NSRP1: variants seen among roughly 807,000 people sequenced by gnomAD.
NSRP1 encodes the protein nuclear speckle splicing regulatory protein 1.
In NSRP1, 24 loss-of-function variants were observed where a neutral mutation model predicts 54.7. The ratio of observed to expected loss-of-function variants is 0.44; its 90% CI spans 0.32 to 0.62. NSRP1 has a LOEUF of 0.62. NSRP1 is among the 20% of genes least tolerant of loss of function. The probability of loss-of-function intolerance (pLI) is 0.06; values close to 1 mark genes in which losing one functional copy is unlikely to be tolerated. For missense variants in NSRP1, 596 were observed against 651.2 expected (o/e 0.92, Z 0.92); for synonymous variants, 210 against 213.8 (o/e 0.98, Z 0.15).
chr17:30,149,834 CAA>C (rs773066888), intron 2 of NSRP1, among the ~76,000 whole-genome samples: 34 of 98,666 alleles, frequency 3.4e-4, no homozygotes, highest in Non-Finnish European at 2.5e-4. Flanking sequence ...GACCCTGTCT[CAA>C]AAAAAAAAAA....
At chr17:30,150,848 C>T (rs536741736) in intron 2 of NSRP1, among the ~76,000 whole-genome samples, 18 of 151,698 alleles carry the variant, frequency 1.2e-4, no homozygotes, top group East Asian at 1.9e-4. Flanking sequence ...CCACCATGCC[C>T]GGCTAATTTT....
chr17:30,171,934 T>TCTCA (rs1401311149), intron 2 of NSRP1, among the ~76,000 whole-genome samples: 4 of 113,346 alleles, frequency 3.5e-5, no homozygotes, highest in Non-Finnish European at 7.0e-5. Context: ...TCCCCATTTC[T>TCTCA]CACACACACA....
At chr17:30,141,602 T>C (rs1327912387) in intron 2 of NSRP1, among the ~76,000 whole-genome samples, 2 of 152,248 alleles carry the variant, frequency 1.3e-5, no homozygotes, top group Admixed American at 6.5e-5. Context: ...CTGTTTTCTT[T>C]AAAGTACTAT....
intron 6 of NSRP1, among the ~76,000 whole-genome samples, chr17:30,182,130 A>T (rs555654788): frequency 1.3e-5 from 2 of 151,396 alleles, no homozygotes; most frequent in African/African-American, 4.9e-5. Flanking sequence ...TGGTACCTTA[A>T]AATGATTTTG....
intron 6 of NSRP1, among the ~76,000 whole-genome samples, chr17:30,183,806 A>AT (rs1175637753): frequency 6.6e-6 from 1 of 152,248 alleles, no homozygotes; most frequent in Non-Finnish European, 1.5e-5. Flanking sequence ...GTGAATCAGG[A>AT]TACACTCATG....
At chr17:30,131,501 T>C (rs1438574335) in intron 2 of NSRP1, among the ~76,000 whole-genome samples, 1 of 152,224 alleles carries the variant, frequency 6.6e-6, no homozygotes, top group African/African-American at 2.4e-5. Flanking sequence ...ATAAAAGTTA[T>C]GTTTATGCTA....
intron 2 of NSRP1, chr17:30,125,814 C>G (rs1291977274): frequency 6.6e-6 from 1 of 152,258 alleles, no homozygotes; most frequent in African/African-American, 2.4e-5. Context: ...TCCCAAAGTG[C>G]TGTGATTGCA....
rs370423700 is a variant in NSRP1 at position 30,163,679 on chromosome 17, C to CTTTT, written c.115-8844_115-8841dup. 1.7e-4 allele frequency among the ~76,000 whole-genome samples: 15 copies of CTTTT among 90,832 alleles called. No individual in the cohort carries two copies. The East Asian group carries it at 2.0e-3, about 12-fold the overall frequency. 59.6% of individuals were successfully genotyped at this position (90,832 alleles called of 152,430 possible). A position where few individuals can be genotyped will look rare whatever the true frequency, so the allele number is the denominator to read the frequency against. On this transcript the variant is annotated intron_variant, in intron 2 of 6. Coordinates refer to ENST00000247026, the MANE Select transcript of NSRP1 (RefSeq NM_032141.4). ...GTTTATGGTGCCTATACTTTGACCACTTTTTTTTTTTTTTTTTTTTTTGAG... is the reference window on the plus strand; with the variant it reads ...GTTTATGGTGCCTATACTTTGACCACTTTTTTTTTTTTTTTTTTTTTTTTTTGAG...
At chr17:30,177,352 G>A (rs1441925978) in intron 3 of NSRP1, among the ~76,000 whole-genome samples, 8 of 148,936 alleles carry the variant, frequency 5.4e-5, no homozygotes, top group East Asian at 2.0e-4. Flanking sequence ...CAGCCAGTGC[G>A]ACAGAGCGAG....
rs569495756 is a variant in NSRP1, at chr17:30,126,762, A to T, written c.114+8589A>T. The stretch of plus-strand genomic sequence containing the variant: ...GACACCACTCTCGGCTCATTTTTGT[A>T]TTTTTTTGTAGAGACAGGGTTTCGC... On this transcript the variant is annotated intron_variant, in intron 2 of 6. Coordinates refer to ENST00000247026, the MANE Select transcript of NSRP1 (RefSeq NM_032141.4). 1.6e-4 allele frequency among the ~76,000 whole-genome samples: 25 copies of T among 152,110 alleles called. No individual in the cohort carries two copies. In the South Asian group the frequency reaches 5.0e-3, roughly 30 times the overall value.
intron 2 of NSRP1, among the ~76,000 whole-genome samples, chr17:30,120,130 T>TA (rs991009643): frequency 5.9e-5 from 9 of 152,122 alleles, no homozygotes; most frequent in African/African-American, 9.6e-5. Flanking sequence ...GAATTTCATA[T>TA]AAAAAAAATC....
At chr17:30,178,417 T>C (rs1006026085) in intron 4 of NSRP1, among the ~76,000 whole-genome samples, 1 of 152,232 alleles carries the variant, frequency 6.6e-6, no homozygotes, top group African/African-American at 2.4e-5. Context: ...TGCTTTTTGC[T>C]TTGAAACCTT....
rs552292393 is a variant in NSRP1 at position 30,159,488 on chromosome 17, A to G, written c.115-13054A>G. Among the ~76,000 whole-genome samples, 10 of 152,208 alleles carry G rather than the reference A, an allele frequency of 6.6e-5. No homozygotes were observed. The East Asian group carries it at 1.9e-3, about 29-fold the overall frequency. ...CTTCTCTTACCTGATTGCTTTGGCCAGGACTTCCAGTATTGTGTTGAATAA... is the reference window on the plus strand; with the variant it reads ...CTTCTCTTACCTGATTGCTTTGGCCGGGACTTCCAGTATTGTGTTGAATAA... On this transcript the variant is annotated intron_variant, in intron 2 of 6. Transcript: ENST00000247026.
At chr17:30,174,735 C>G (rs2143008973) in intron 3 of NSRP1, among the ~76,000 whole-genome samples, 1 of 152,252 alleles carries the variant, frequency 6.6e-6, no homozygotes, top group Admixed American at 6.5e-5. Context: ...GCTTCATGAC[C>G]ATGTTGGTTT....
At chr17:30,170,421 T>C (rs2143008023) in intron 2 of NSRP1, among the ~76,000 whole-genome samples, 1 of 152,264 alleles carries the variant, frequency 6.6e-6, no homozygotes, top group South Asian at 2.1e-4. Context: ...TCTAGACTTG[T>C]TCATCTTGTT....
At chr17:30,147,698 C>G (rs771861351) in intron 2 of NSRP1, among the ~76,000 whole-genome samples, 1 of 150,116 alleles carries the variant, frequency 6.7e-6, no homozygotes, top group African/African-American at 2.5e-5. Context: ...CTCCTGATGT[C>G]GTGATCTGCC....
chr17:30,148,760 A>G (rs1053869963), intron 2 of NSRP1, among the ~76,000 whole-genome samples: 1 of 152,188 alleles, frequency 6.6e-6, no homozygotes, highest in Admixed American at 6.5e-5. Flanking sequence ...GCTGATTTAC[A>G]GTTTTTGGAA....
chr17:30,117,481 A>G (rs755717407), intron 1 of NSRP1: 6 of 422,528 alleles, frequency 1.4e-5, no homozygotes, highest in Non-Finnish European at 2.1e-5. Context: ...TGAGAAACTA[A>G]AGGAGTTGGA....
At chr17:30,154,088 A>G (rs1259428088) in intron 2 of NSRP1, among the ~76,000 whole-genome samples, 1 of 151,442 alleles carries the variant, frequency 6.6e-6, no homozygotes, top group Non-Finnish European at 1.5e-5. Context: ...AGGCCGAGGC[A>G]GGAGGATTGC....
Sources: gnomAD v4.1 joint callset for allele counts (sites outside exome capture counted in the v4.1 genomes callset) on GRCh38, gnomAD v4.1.1 for gene constraint, MANE v1.5 for transcripts, NCBI Gene and HGNC (gene_info 2026-07-23, HGNC 2026-07-21) for gene names.